The following ARID1B variants were observed in gnomAD, a reference collection of about 807,000 sequenced individuals.
The protein encoded by ARID1B is AT-rich interactive domain-containing protein 1B.
A neutral mutation model predicts 212.3 loss-of-function variants in ARID1B; 30 were observed. The observed-to-expected ratio is 0.14, with a 90% CI of 0.11 to 0.19. The LOEUF (loss-of-function observed/expected upper bound fraction) is 0.19. Among genes scored for constraint, ARID1B ranks in the 10% least tolerant of loss-of-function variants. ARID1B has a pLI of 1.00. For synonymous variants in ARID1B, 1,402 were observed against 1,301.7 expected (o/e 1.08, Z -1.66); for missense variants, 2,891 against 3,204.0 (o/e 0.90, Z 2.36).
chr6:157,182,364 C>T (rs1233263347), intron 12 of ARID1B, among the ~76,000 whole-genome samples: 1 of 152,232 alleles, frequency 6.6e-6, no homozygotes, highest in African/African-American at 2.4e-5. Flanking sequence ...TTCCCATTTG[C>T]CACTGGTTCT....
At chr6:156,801,921 T>C (rs1012759704) in intron 1 of ARID1B, among the ~76,000 whole-genome samples, 1 of 152,216 alleles carries the variant, frequency 6.6e-6, no homozygotes, top group African/African-American at 2.4e-5. Flanking sequence ...AAAAATCGAA[T>C]TGCTTTCTCG....
chr6:157,147,213 GC>G (rs1789801065), intron 7 of ARID1B, among the ~76,000 whole-genome samples: 1 of 43,284 alleles, frequency 2.3e-5, no homozygotes, highest in Non-Finnish European at 4.2e-5. Flanking sequence ...CTCCGGCCCT[GC>G]CCTCCGTCCC....
At chr6:157,170,643 T>C (rs932707486) in intron 9 of ARID1B, among the ~76,000 whole-genome samples, 2 of 152,212 alleles carry the variant, frequency 1.3e-5, no homozygotes, top group African/African-American at 4.8e-5. Flanking sequence ...GGAGCTGGTT[T>C]CCTTGGAAAG....
intron 4 of ARID1B, among the ~76,000 whole-genome samples, chr6:157,033,905 T>C (rs1781165347): frequency 6.6e-6 from 1 of 152,222 alleles, no homozygotes; most frequent in African/African-American, 2.4e-5. Flanking sequence ...CACACCTCTG[T>C]ACTTCAGGAA....
intron 2 of ARID1B, among the ~76,000 whole-genome samples, chr6:156,858,197 T>C (rs1442507460): frequency 6.7e-6 from 1 of 149,834 alleles, no homozygotes; most frequent in Non-Finnish European, 1.5e-5. Context: ...TGGAGCTGGA[T>C]AGAATGATGA....
chr6:156,842,518 A>G (rs1428525963), intron 2 of ARID1B, among the ~76,000 whole-genome samples: 1 of 152,196 alleles, frequency 6.6e-6, no homozygotes, highest in African/African-American at 2.4e-5. Context: ...CCATTGATAG[A>G]CATTTGGGTT....
At chr6:156,898,409 G>T (rs1788659987) in intron 2 of ARID1B, among the ~76,000 whole-genome samples, 1 of 152,110 alleles carries the variant, frequency 6.6e-6, no homozygotes, top group South Asian at 2.1e-4. Context: ...CTGGGTTCAG[G>T]TGGGGGTTGA....
At chr6:156,875,626 G>A (rs6905191) in intron 2 of ARID1B, among the ~76,000 whole-genome samples, 33,701 of 152,142 alleles carry the variant, frequency 0.22, 3,803 homozygotes, top group Non-Finnish European at 0.24. Flanking sequence ...ATAAAGATGC[G>A]AGTCTCTGTT....
chr6:156,866,508 C>T (rs985536945), intron 2 of ARID1B, among the ~76,000 whole-genome samples: 9 of 151,978 alleles, frequency 5.9e-5, no homozygotes, highest in Non-Finnish European at 8.8e-5. Context: ...GTTTTTGTTC[C>T]TCTTCTTGTG....
At chr6:157,120,976 A>C (rs1450269743) in intron 6 of ARID1B, among the ~76,000 whole-genome samples, 3 of 152,166 alleles carry the variant, frequency 2.0e-5, no homozygotes, top group Non-Finnish European at 2.9e-5. Context: ...CATGGGTAGG[A>C]TGAATGGTGA....
At chr6:156,928,432 C>T (rs1206578359) in intron 3 of ARID1B, among the ~76,000 whole-genome samples, 1 of 152,106 alleles carries the variant, frequency 6.6e-6, no homozygotes, top group Non-Finnish European at 1.5e-5. Context: ...TGCTCTCCTT[C>T]GGTGAGGTGG....
intron 4 of ARID1B, chr6:157,022,578 A>G (rs1183143005): frequency 6.6e-6 from 1 of 152,212 alleles, no homozygotes; most frequent in Non-Finnish European, 1.5e-5. Flanking sequence ...GACTTTTTCA[A>G]GTAAGCTAAA....
chr6:157,015,215 G>C (rs867885416), intron 4 of ARID1B, among the ~76,000 whole-genome samples: 1 of 152,234 alleles, frequency 6.6e-6, no homozygotes, highest in African/African-American at 2.4e-5. Flanking sequence ...TATGATTTCT[G>C]ATTGGAGCAA....
At chr6:156,971,640 G>T (rs1448639799) in intron 4 of ARID1B, among the ~76,000 whole-genome samples, 2 of 152,250 alleles carry the variant, frequency 1.3e-5, no homozygotes, top group South Asian at 4.1e-4. Flanking sequence ...TGATATCGGG[G>T]TGTCAGCCGG....
chr6:157,044,970 TA>T (rs1370442116), intron 4 of ARID1B, among the ~76,000 whole-genome samples: 2 of 152,196 alleles, frequency 1.3e-5, no homozygotes, highest in Admixed American at 1.3e-4. Context: ...AACAGCCATT[TA>T]TATAATATAT....
rs191054729 is a variant in ARID1B at position 156,970,865 on chromosome 6, A to G, written c.2247+35289A>G. Among the ~76,000 whole-genome samples, 343 of 152,240 alleles carry G rather than the reference A, an allele frequency of 2.3e-3. 1 individual carries two copies. The highest frequency in any genetic ancestry group is 7.7e-3 in the African/African-American group (319 of 41,534). The stretch of plus-strand genomic sequence containing the variant: ...GTTCTCTCTCAGCCTAGCTTTGCCA[A>G]CCCTGGATCTCTAGCAGGGAAGCAG... On this transcript the variant is annotated intron_variant, in intron 4 of 19. Transcript: ENST00000636930.
chr6:157,131,078 A>C (rs1788514126), intron 6 of ARID1B, among the ~76,000 whole-genome samples: 1 of 152,210 alleles, frequency 6.6e-6, no homozygotes, highest in Non-Finnish European at 1.5e-5. Context: ...CCAGTGATGC[A>C]TAAAGATGTG....
At chr6:156,811,203 T>C (rs184409855) in intron 1 of ARID1B, among the ~76,000 whole-genome samples, 95 of 152,294 alleles carry the variant, frequency 6.2e-4, no homozygotes, top group Non-Finnish European at 1.0e-3. Context: ...GCCACTGTTT[T>C]AACTTAATGT....
intron 4 of ARID1B, among the ~76,000 whole-genome samples, chr6:157,008,641 A>C (rs1262106336): frequency 6.6e-6 from 1 of 152,132 alleles, no homozygotes; most frequent in Non-Finnish European, 1.5e-5. Context: ...ATTTTAGGCA[A>C]ATGTGACTTT....
Sources: gnomAD v4.1 joint callset for allele counts (sites outside exome capture counted in the v4.1 genomes callset) on GRCh38, gnomAD v4.1.1 for gene constraint, MANE v1.5 for transcripts, NCBI Gene and HGNC (gene_info 2026-07-23, HGNC 2026-07-21) for gene names.